FOXP1: variants seen among roughly 807,000 people sequenced by gnomAD.
The protein encoded by FOXP1 is forkhead box protein P1.
In FOXP1, 15 loss-of-function variants were observed where a neutral mutation model predicts 98.2. That is an observed-to-expected ratio of 0.15 (90% CI 0.10 to 0.24). The LOEUF (loss-of-function observed/expected upper bound fraction) is 0.24. Among genes scored for constraint, FOXP1 ranks in the 10% least tolerant of loss-of-function variants. The probability of loss-of-function intolerance (pLI) is 1.00; values close to 1 mark genes in which losing one functional copy is unlikely to be tolerated. For synonymous variants in FOXP1, 371 were observed against 314.5 expected (o/e 1.18, Z -1.90); for missense variants, 633 against 848.5 (o/e 0.75, Z 3.15).
intron 5 of FOXP1, among the ~76,000 whole-genome samples, chr3:71,259,934 A>G (rs973652444): frequency 2.0e-5 from 3 of 152,118 alleles, no homozygotes; most frequent in Admixed American, 2.0e-4. Flanking sequence ...TTAGGCAGGG[A>G]CATGAAGGAA....
At chr3:71,047,139 G>C in intron 9 of FOXP1, 44 bp from the exon 10 acceptor site, 2 of 1,611,708 alleles carry the variant, frequency 1.2e-6, no homozygotes, top group Non-Finnish European at 1.7e-6. Context: ...CACTTCCCAA[G>C]GAAGGTTAAA....
rs1553871544 is a variant in FOXP1, at chr3:71,397,023, T to TATATATACAC, written c.-167-37780_-167-37779insGTGTATATAT. On this transcript the variant is annotated intron_variant, in intron 3 of 20. Transcript: ENST00000649528. ...ATATATATGTGTATATATATATATATACATATATATGTGTATATATATATA... is the reference window on the plus strand; with the variant it reads ...ATATATATGTGTATATATATATATATATATATACACACATATATATGTGTATATATATATA... Among the ~76,000 whole-genome samples the TATATATACAC allele has an allele frequency of 1.7e-4, 4 of 24,062 alleles. 1 individual carries two copies. Among genetic ancestry groups the TATATATACAC allele is most frequent in the African/African-American group, 5.6e-4 (3 of 5,330 alleles). 15.8% of individuals were successfully genotyped at this position (24,062 alleles called of 152,430 possible). A position where few individuals can be genotyped will look rare whatever the true frequency, so the allele number is the denominator to read the frequency against.
intron 3 of FOXP1, among the ~76,000 whole-genome samples, chr3:71,391,691 A>C (rs1036621270): frequency 1.3e-5 from 2 of 152,344 alleles, no homozygotes; most frequent in African/African-American, 4.8e-5. Flanking sequence ...AACTCTCAGC[A>C]TTGGGCAGCT....
chr3:71,308,751 G>A (rs1398838117), intron 4 of FOXP1, among the ~76,000 whole-genome samples: 1 of 3,896 alleles, frequency 2.6e-4, no homozygotes, highest in East Asian at 9.3e-3. Context: ...CTACCACAAT[G>A]TGTGTGTGTG....
chr3:71,242,556 A>T (rs1471140690), intron 5 of FOXP1, among the ~76,000 whole-genome samples: 1 of 152,220 alleles, frequency 6.6e-6, no homozygotes, highest in Non-Finnish European at 1.5e-5. Flanking sequence ...GCTTGTTTCC[A>T]AACCTTTTTG....
At chr3:71,497,156 G>A (rs1341812729) in intron 2 of FOXP1, among the ~76,000 whole-genome samples, 1 of 151,246 alleles carries the variant, frequency 6.6e-6, no homozygotes, top group Non-Finnish European at 1.5e-5. Flanking sequence ...CAGTACAGAG[G>A]CAAAAACAAA....
intron 6 of FOXP1, among the ~76,000 whole-genome samples, chr3:71,150,646 C>T (rs1310539688): frequency 6.6e-6 from 1 of 152,060 alleles, no homozygotes; most frequent in Non-Finnish European, 1.5e-5. Context: ...ATTATTATTA[C>T]TAGAATTTCC....
rs769951328 is a variant in FOXP1, at chr3:70,972,692, A to G, written c.1531-16T>C. 1.2e-6 allele frequency: 2 copies of G among 1,613,552 alleles called. No homozygotes were observed. Among genetic ancestry groups the G allele is most frequent in the African/African-American group, 1.3e-5 (1 of 74,910 alleles). On this transcript the variant is annotated splice_polypyrimidine_tract_variant and intron_variant, in intron 17 of 20. Transcript: ENST00000649528. ...GCACTGCATTCTGCAGCAAGTATAA[A>G]AGAGAGAACATTTACATTTTCTATA...
At chr3:71,223,979 G>C (rs1441824765) in intron 5 of FOXP1, among the ~76,000 whole-genome samples, 1 of 152,128 alleles carries the variant, frequency 6.6e-6, no homozygotes, top group Non-Finnish European at 1.5e-5. Flanking sequence ...TATGGCAGCT[G>C]GTCAGTGAGT....
At chr3:71,093,141 C>G (rs1198050811) in intron 7 of FOXP1, among the ~76,000 whole-genome samples, 2 of 151,694 alleles carry the variant, frequency 1.3e-5, no homozygotes, top group Non-Finnish European at 2.9e-5. Context: ...CACGCCTCAG[C>G]TACTTGGGAG....
At chr3:71,390,614 T>C (rs976004779) in intron 3 of FOXP1, among the ~76,000 whole-genome samples, 4 of 151,962 alleles carry the variant, frequency 2.6e-5, no homozygotes, top group Non-Finnish European at 5.9e-5. Context: ...AAGAATTCTA[T>C]AGGAAGAGAA....
At chr3:71,127,563 T>C (rs9856263) in intron 6 of FOXP1, among the ~76,000 whole-genome samples, 7,824 of 152,220 alleles carry the variant, frequency 0.051, 524 homozygotes, top group African/African-American at 0.15. Flanking sequence ...TCCAGGCCAG[T>C]TTCTTCATGG....
At position 71,237,641 on chromosome 3, in the gene FOXP1, C is replaced by T. The variant is rs541687360; in HGVS notation, c.-11-39249G>A. ...GCTAGGAAAGGAGTATCAGGAAGCACAGAGTTTCCTTGAAATGTTCCTACT... is the reference window on the plus strand; with the variant it reads ...GCTAGGAAAGGAGTATCAGGAAGCATAGAGTTTCCTTGAAATGTTCCTACT... On this transcript the variant is annotated intron_variant, in intron 5 of 20. Transcript: ENST00000649528. Among the ~76,000 whole-genome samples, 6 of 152,320 alleles carry T rather than the reference C, an allele frequency of 3.9e-5. No individual in the cohort carries two copies. In the South Asian group the frequency reaches 1.2e-3, roughly 32 times the overall value.
intron 7 of FOXP1, among the ~76,000 whole-genome samples, chr3:71,063,703 T>A (rs1177186844): frequency 6.6e-6 from 1 of 152,208 alleles, no homozygotes. Flanking sequence ...TTCCCCCACA[T>A]GTGTCACTTT....
chr3:71,042,559 G>A (rs1233021391), intron 10 of FOXP1, among the ~76,000 whole-genome samples: 1 of 152,064 alleles, frequency 6.6e-6, no homozygotes, highest in African/African-American at 2.4e-5. Flanking sequence ...GAGGAACACC[G>A]AAAAGAAAAC....
intron 3 of FOXP1, among the ~76,000 whole-genome samples, chr3:71,457,394 T>C (rs13069719): frequency 0.73 from 111,637 of 152,070 alleles, 42,718 homozygotes; most frequent in Non-Finnish European, 0.81. Flanking sequence ...CCATTTTTCA[T>C]CAAAAATCAA....
chr3:70,993,222 C>T (rs1180487689), intron 13 of FOXP1, among the ~76,000 whole-genome samples: 1 of 152,200 alleles, frequency 6.6e-6, no homozygotes, highest in Admixed American at 6.5e-5. Flanking sequence ...CTTACAATTC[C>T]TGGTGTAGAT....
At chr3:71,242,983 C>G (rs547424832) in intron 5 of FOXP1, among the ~76,000 whole-genome samples, 23 of 152,238 alleles carry the variant, frequency 1.5e-4, no homozygotes, top group African/African-American at 4.8e-4. Context: ...TAATGATGAA[C>G]CTCATTATGT....
At chr3:71,358,849 A>G (rs1256476195) in intron 4 of FOXP1, among the ~76,000 whole-genome samples, 2 of 152,160 alleles carry the variant, frequency 1.3e-5, no homozygotes, top group Non-Finnish European at 2.9e-5. Flanking sequence ...AGTTGCAAAA[A>G]AGACTGTATG....
Sources: gnomAD v4.1 joint callset for allele counts (sites outside exome capture counted in the v4.1 genomes callset) on GRCh38, gnomAD v4.1.1 for gene constraint, MANE v1.5 for transcripts, NCBI Gene and HGNC (gene_info 2026-07-23, HGNC 2026-07-21) for gene names.